The following MIA2 variants were observed in gnomAD, a reference collection of about 807,000 sequenced individuals.
The protein encoded by MIA2 is melanoma inhibitory activity protein 2.
In MIA2, 127 loss-of-function variants were observed where a neutral mutation model predicts 167.8. That is an observed-to-expected ratio of 0.76 (90% confidence interval 0.66 to 0.88). The LOEUF is 0.88. Among genes scored for constraint, MIA2 ranks in the 40% least tolerant of loss-of-function variants. The pLI is 0.00. For synonymous variants in MIA2, 552 were observed against 541.9 expected (o/e 1.02, Z -0.26); for missense variants, 1,690 against 1,624.7 (o/e 1.04, Z -0.69).
At chr14:39,299,087 A>AG (rs1460519433) in intron 13 of MIA2, among the ~76,000 whole-genome samples, 37 of 149,674 alleles carry the variant, frequency 2.5e-4, no homozygotes, top group African/African-American at 7.8e-4. Flanking sequence ...AAAAAAAAAA[A>AG]AAAAAAAAAA....
intron 6 of MIA2, among the ~76,000 whole-genome samples, chr14:39,254,310 G>T (rs2054718753): frequency 6.6e-6 from 1 of 152,168 alleles, no homozygotes; most frequent in Non-Finnish European, 1.5e-5. Flanking sequence ...TTGAACATAG[G>T]CTGAAGTTGA....
Position 39,307,846 on chromosome 14 carries a change from G to T in MIA2, c.2879-603G>T, listed in dbSNP as rs78644871. On this transcript the variant is annotated intron_variant, in intron 17 of 28. Coordinates refer to ENST00000640607, the MANE Select transcript of MIA2 (RefSeq NM_001329214.4). ...AGTGAAATAAGCCACACGAGAAAGA[G>T]AAATGGCTCATGTTCTCACTTATAT... is the stretch of plus-strand genomic sequence containing the variant. Among the ~76,000 whole-genome samples the T allele has an allele frequency of 6.4e-3, 975 of 152,208 alleles. 8 individuals carry two copies. The highest frequency in any genetic ancestry group is 0.021 in the African/African-American group (888 of 41,532).
At position 39,277,065 on chromosome 14, in the gene MIA2, G is replaced by A; in HGVS notation, c.2019G>A (p.Ser673=). The A allele has an allele frequency of 3.7e-6, 6 of 1,613,240 alleles. No individual in the cohort carries two copies. The highest frequency in any genetic ancestry group is 5.1e-6 in the Non-Finnish European group (6 of 1,179,720). The part of the protein sequence containing the change: ...VLFFLWRSFR[S]VRSRLYVGRE... ...TTTTTTTGTGGAGAAGTTTTAGATC[G>A]GTAAGTAACCAGTGCTATACTAAGA... The change falls in exon 7 of 29, where the codon TCG becomes TCA. Residue 673 remains serine (S), a splice_region_variant and synonymous_variant. Transcript: ENST00000640607.
intron 23 of MIA2, chr14:39,386,220 T>G: frequency 7.2e-7 from 1 of 1,398,338 alleles, no homozygotes; most frequent in Non-Finnish European, 1.0e-6. Context: ...ATACCCAGTT[T>G]GTCTGCAGTT....
At position 39,342,867 on chromosome 14, in the gene MIA2, T is replaced by A. The variant is rs114231880; in HGVS notation, c.3656-3037T>A. 2.7e-3 allele frequency among the ~76,000 whole-genome samples: 405 copies of A among 152,280 alleles called. 1 individual carries two copies. Among genetic ancestry groups the A allele is most frequent in the African/African-American group, 8.3e-3 (345 of 41,568 alleles). On this transcript the variant is annotated intron_variant, in intron 25 of 28. Transcript: ENST00000640607. ...AATAATGATTAAAAAAAATTAAAGT[T>A]CTGTTTTATCAGCTTTCCTTATCAG...
chr14:39,323,598 C>G (rs2066898813), intron 24 of MIA2, among the ~76,000 whole-genome samples: 1 of 152,140 alleles, frequency 6.6e-6, no homozygotes, highest in Non-Finnish European at 1.5e-5. Context: ...GCTTTCTATT[C>G]AATTTTATCC....
intron 17 of MIA2, among the ~76,000 whole-genome samples, chr14:39,307,203 C>G (rs956459823): frequency 1.2e-4 from 18 of 151,786 alleles, no homozygotes; most frequent in Admixed American, 1.3e-4. Context: ...TAAAAACAGG[C>G]ATTATTCATC....
At chr14:39,275,034 C>CGCT (rs911251705) in intron 6 of MIA2, among the ~76,000 whole-genome samples, 1 of 148,290 alleles carries the variant, frequency 6.7e-6, no homozygotes, top group African/African-American at 2.5e-5. Flanking sequence ...TACACGGTGC[C>CGCT]GCTGTACTCC....
Position 39,343,986 on chromosome 14 carries a change from A to G in MIA2, c.3656-1918A>G, listed in dbSNP as rs114836993. 7.3e-3 allele frequency among the ~76,000 whole-genome samples: 1,108 copies of G among 152,224 alleles called. 13 individuals carry two copies. Among genetic ancestry groups the G allele is most frequent in the African/African-American group, 0.025 (1,053 of 41,524 alleles). On this transcript the variant is annotated intron_variant, in intron 25 of 28. Transcript: ENST00000640607. ...AGATAGTCTACCTCTTATATTATGT[A>G]TATTTCCTTTTATTAAGACATTAAT...
At chr14:39,353,862 G>C (rs8016293), downstream of MIA2, among the ~76,000 whole-genome samples, 28,332 of 152,108 alleles carry the variant, frequency 0.19, 2,675 homozygotes, top group Middle Eastern at 0.28. Flanking sequence ...TTGGTTTCCA[G>C]CTTCATCCAT....
At position 39,246,937 on chromosome 14, in the gene MIA2, A is replaced by G; in HGVS notation, c.363A>G (p.Gly121=). 1.3e-6 allele frequency: 2 copies of G among 1,515,956 alleles called. No homozygotes were observed. Among genetic ancestry groups the G allele is most frequent in the Non-Finnish European group, 8.8e-7 (1 of 1,136,790 alleles). 93.9% of individuals were successfully genotyped at this position (1,515,956 alleles called of 1,614,324 possible). Residue 121 remains glycine, a synonymous_variant, in exon 4 of 29, where the codon GGA becomes GGG. Transcript: ENST00000640607. Reference sequence around the variant, plus strand: ...AATCTGACTTTCTTTGTCTTCTTGGAGTAAGTTACACATTTGACAATGAAG... The same window carrying G: ...AATCTGACTTTCTTTGTCTTCTTGGGGTAAGTTACACATTTGACAATGAAG... ...TKESDFLCLL[G]VSYTFDNEDS...
chr14:39,326,844 GT>G lies in MIA2; in HGVS notation c.3497-11del, dbSNP rs36031495. The G allele has an allele frequency of 0.92, 1,412,264 of 1,529,188 alleles. 652,689 individuals are homozygous for G. The highest frequency in any genetic ancestry group is 0.96 in the East Asian group (38,438 of 39,892). 94.7% of individuals were successfully genotyped at this position (1,529,188 alleles called of 1,614,324 possible). A position where few individuals can be genotyped will look rare whatever the true frequency, so the allele number is the denominator to read the frequency against. ...TTTTTAAGATGAAACAGATTTGTATGTTTTTTTTTCTTTAATTAGGCTCACG... is the reference window on the plus strand; with the variant it reads ...TTTTTAAGATGAAACAGATTTGTATGTTTTTTTTCTTTAATTAGGCTCACG... On this transcript the variant is annotated intron_variant, in intron 24 of 28. Coordinates refer to ENST00000640607, the MANE Select transcript of MIA2 (RefSeq NM_001329214.4).
chr14:39,374,503 A>C (rs2075010573), intron 23 of MIA2, among the ~76,000 whole-genome samples: 1 of 152,170 alleles, frequency 6.6e-6, no homozygotes, highest in Admixed American at 6.5e-5. Flanking sequence ...TTTTGGAAAA[A>C]GGAAATGTGA....
intron 23 of MIA2, among the ~76,000 whole-genome samples, chr14:39,359,451 AC>A (rs2074622311): frequency 6.6e-6 from 1 of 151,770 alleles, no homozygotes. Flanking sequence ...GCCATCTGTC[AC>A]CCCCTTCCTT....
intron 23 of MIA2, among the ~76,000 whole-genome samples, chr14:39,376,159 G>C (rs111487068): frequency 0.08 from 12,113 of 152,042 alleles, 1,618 homozygotes; most frequent in African/African-American, 0.27. Context: ...TTGCCATGTT[G>C]TCCAGGCTGG....
intron 25 of MIA2, among the ~76,000 whole-genome samples, chr14:39,339,076 G>A (rs993433212): frequency 2.0e-5 from 3 of 152,164 alleles, no homozygotes; most frequent in African/African-American, 7.2e-5. Flanking sequence ...AGATCATCAG[G>A]CATTAGTTAG....
At chr14:39,283,591 T>C (rs1259238662) in intron 9 of MIA2, among the ~76,000 whole-genome samples, 1 of 152,230 alleles carries the variant, frequency 6.6e-6, no homozygotes, top group East Asian at 1.9e-4. Flanking sequence ...TGCACATTTG[T>C]TACATAGGTA....
At chr14:39,302,862 G>A (rs1208640945) in intron 15 of MIA2, among the ~76,000 whole-genome samples, 2 of 152,210 alleles carry the variant, frequency 1.3e-5, no homozygotes, top group East Asian at 3.9e-4. Context: ...GAGGTCCCAT[G>A]TACCCCTCTC....
At chr14:39,248,251 T>TTAG in intron 4 of MIA2, 110 bp downstream of exon 4, 1 of 825,818 alleles carries the variant, frequency 1.2e-6, no homozygotes, top group Non-Finnish European at 1.6e-6. Flanking sequence ...TTCAGAATAC[T>TTAG]TAGCTCTTTC....
Sources: allele counts gnomAD v4.1 joint callset (sites outside exome capture counted in the v4.1 genomes callset), GRCh38; gene constraint gnomAD v4.1.1; transcripts MANE v1.5; gene names NCBI Gene and HGNC (gene_info 2026-07-23, HGNC 2026-07-21).